The following TENM4 variants were observed in gnomAD, a reference collection of about 807,000 sequenced individuals.
The protein encoded by TENM4 is teneurin transmembrane protein 4.
Under a neutral mutation model 243.3 loss-of-function variants are expected in TENM4, and 82 were observed. That is an observed-to-expected ratio of 0.34 (90% CI 0.28 to 0.40). The LOEUF is 0.40. Ranked by LOEUF, TENM4 falls within the 10% of genes least tolerant of loss-of-function variation. The probability of loss-of-function intolerance (pLI) is 1.00; values close to 1 mark genes in which losing one functional copy is unlikely to be tolerated. For synonymous variants in TENM4, 1,412 were observed against 1,456.3 expected (o/e 0.97, Z 0.69); for missense variants, 3,138 against 3,673.3 (o/e 0.85, Z 3.77).
Position 78,688,072 on chromosome 11 carries a change from A to G in TENM4, c.5242T>C (p.Phe1748Leu). ...ITTNLSASGA[F>L]YTLLQDQVRN... ...GACTTACCTTGCAGCAGTGTGTAGA[A>G]GGCGCCTGAGGCAGACAGGTTGGTG... The change falls in exon 29 of 34, where the codon TTC (phenylalanine) becomes CTC (leucine). Residue 1748 changes from phenylalanine to leucine, a missense_variant. By Grantham distance (22) the Phe-to-Leu change is conservative. Coordinates refer to ENST00000278550, the MANE Select transcript of TENM4 (RefSeq NM_001098816.3). The G allele has an allele frequency of 6.2e-7, 1 of 1,613,738 alleles. No homozygotes were observed. The highest frequency in any genetic ancestry group is 8.5e-7 in the Non-Finnish European group (1 of 1,179,796).
At chr11:79,248,488 C>T (rs777774330) in intron 2 of TENM4, among the ~76,000 whole-genome samples, 4 of 152,092 alleles carry the variant, frequency 2.6e-5, no homozygotes, top group African/African-American at 9.7e-5. Flanking sequence ...CTTTGGGGAA[C>T]GTCTATTTTG....
chr11:78,671,073 G>A (rs1858312589), intron 31 of TENM4, among the ~76,000 whole-genome samples: 1 of 152,186 alleles, frequency 6.6e-6, no homozygotes, highest in Admixed American at 6.5e-5. Context: ...AACAGTTTCC[G>A]CTGACTCCCT....
At chr11:79,144,311 G>A (rs563858841) in intron 4 of TENM4, among the ~76,000 whole-genome samples, 1 of 152,072 alleles carries the variant, frequency 6.6e-6, no homozygotes. Flanking sequence ...ATGAATGCTG[G>A]CGAGGAGGTG....
intron 3 of TENM4, among the ~76,000 whole-genome samples, chr11:79,152,995 G>A (rs1314076338): frequency 6.6e-6 from 1 of 152,188 alleles, no homozygotes; most frequent in Non-Finnish European, 1.5e-5. Flanking sequence ...AAGATTCTGG[G>A]CACATTTTTA....
At chr11:79,135,204 C>G (rs1862083369) in intron 4 of TENM4, among the ~76,000 whole-genome samples, 2 of 151,918 alleles carry the variant, frequency 1.3e-5, no homozygotes, top group African/African-American at 4.8e-5. Flanking sequence ...AGGCAATTCT[C>G]AAAAGAAGAT....
chr11:79,230,989 GAAAA>G (rs983616471), intron 2 of TENM4, among the ~76,000 whole-genome samples: 9 of 152,340 alleles, frequency 5.9e-5, no homozygotes, highest in African/African-American at 2.2e-4. Flanking sequence ...TGGGGTTGGG[GAAAA>G]GGTATGTGTT....
chr11:78,792,560 T>G (rs537551072), intron 15 of TENM4, among the ~76,000 whole-genome samples: 1 of 152,146 alleles, frequency 6.6e-6, no homozygotes, highest in East Asian at 1.9e-4. Context: ...ACCCGTGCAC[T>G]GTCCTCTCTC....
intron 3 of TENM4, among the ~76,000 whole-genome samples, chr11:79,157,232 C>A (rs1862641779): frequency 6.6e-6 from 1 of 152,152 alleles, no homozygotes; most frequent in Non-Finnish European, 1.5e-5. Context: ...CAAGCCATAA[C>A]TGAGGCTCTC....
At chr11:79,286,859 AT>A (rs1856264048) in intron 2 of TENM4, among the ~76,000 whole-genome samples, 1 of 152,208 alleles carries the variant, frequency 6.6e-6, no homozygotes, top group African/African-American at 2.4e-5. Flanking sequence ...ATTGGACCTC[AT>A]TCTTAAACAT....
At chr11:78,884,326 C>T (rs931928735) in intron 9 of TENM4, among the ~76,000 whole-genome samples, 1 of 152,328 alleles carries the variant, frequency 6.6e-6, no homozygotes, top group South Asian at 2.1e-4. Context: ...ACAGTCTTTC[C>T]AGCCACTTCC....
At chr11:78,961,536 GCT>G (rs1355356418) in intron 6 of TENM4, among the ~76,000 whole-genome samples, 1 of 152,160 alleles carries the variant, frequency 6.6e-6, no homozygotes, top group Non-Finnish European at 1.5e-5. Context: ...AAACCCAGTG[GCT>G]CTCTCTGCAG....
At chr11:78,983,714 C>T (rs954848941) in intron 6 of TENM4, among the ~76,000 whole-genome samples, 2 of 144,340 alleles carry the variant, frequency 1.4e-5, no homozygotes, top group African/African-American at 2.5e-5. Flanking sequence ...TCAGAAGACA[C>T]GGCAGGGCCT....
chr11:78,805,281 C>CA lies in TENM4; in HGVS notation c.2179+10_2179+11insT. On this transcript the variant is annotated intron_variant, in intron 15 of 33. Coordinates refer to ENST00000278550, the MANE Select transcript of TENM4 (RefSeq NM_001098816.3). ...TCCCTCTACCCATGCTTCTTCTCCC[C>CA]CTGCATTTACCGATAGAACAGTCGT... 2.0e-6 allele frequency: 3 copies of CA among 1,488,494 alleles called. No individual in the cohort carries two copies. The highest frequency in any genetic ancestry group is 2.7e-6 in the Non-Finnish European group (3 of 1,097,816). 92.2% of individuals were successfully genotyped at this position (1,488,494 alleles called of 1,614,324 possible).
At chr11:78,945,729 C>G (rs1379018118) in intron 6 of TENM4, among the ~76,000 whole-genome samples, 1 of 152,154 alleles carries the variant, frequency 6.6e-6, no homozygotes, top group Non-Finnish European at 1.5e-5. Context: ...ATTGAACACA[C>G]AAATGATAAG....
intron 4 of TENM4, among the ~76,000 whole-genome samples, chr11:79,135,671 T>C (rs539164355): frequency 1.4e-5 from 2 of 138,664 alleles, no homozygotes; most frequent in South Asian, 4.2e-4. Context: ...CACACATATA[T>C]GATATATCAT....
At chr11:79,325,953 A>G (rs1268840416) in intron 1 of TENM4, among the ~76,000 whole-genome samples, 3 of 152,168 alleles carry the variant, frequency 2.0e-5, no homozygotes, top group African/African-American at 7.2e-5. Flanking sequence ...AGGAACCAAA[A>G]TCACTTTGTG....
chr11:78,920,958 G>C (rs1591130541), intron 6 of TENM4, among the ~76,000 whole-genome samples: 1 of 152,190 alleles, frequency 6.6e-6, no homozygotes. Context: ...TTTAAATCTG[G>C]GCTTTCTGAT....
Position 79,087,165 on chromosome 11 carries a change from A to G in TENM4, c.-65-17156T>C, listed in dbSNP as rs146802595. On this transcript the variant is annotated intron_variant, in intron 4 of 33. Transcript: ENST00000278550. Reference sequence around the variant, plus strand: ...GTAGCTATGATCCTGTATTAAATAAAGAACTGAAGCTTAGAGAGGCAAAGT... The same window carrying G: ...GTAGCTATGATCCTGTATTAAATAAGGAACTGAAGCTTAGAGAGGCAAAGT... Among the ~76,000 whole-genome samples the G allele has an allele frequency of 4.8e-4, 73 of 152,344 alleles. No individual in the cohort carries two copies. In the East Asian group the frequency reaches 9.5e-3, roughly 20 times the overall value.
chr11:79,385,134 C>A (rs982589820), intron 1 of TENM4, among the ~76,000 whole-genome samples: 7 of 152,022 alleles, frequency 4.6e-5, no homozygotes, highest in Non-Finnish European at 5.9e-5. Flanking sequence ...TTAACTCTCT[C>A]TAGGCCAGTG....
Sources: allele counts gnomAD v4.1 joint callset (sites outside exome capture counted in the v4.1 genomes callset), GRCh38; gene constraint gnomAD v4.1.1; transcripts MANE v1.5; gene names NCBI Gene and HGNC (gene_info 2026-07-23, HGNC 2026-07-21).